Variants in DDX54 observed in about 807,000 individuals in gnomAD.
DDX54 encodes the protein ATP-dependent RNA helicase DDX54.
DDX54 carries 67 observed loss-of-function variants against 105.5 expected under a neutral mutation model. The observed-to-expected ratio is 0.64, with a 90% CI of 0.52 to 0.78. The LOEUF (loss-of-function observed/expected upper bound fraction) is 0.78. Ranked by LOEUF, DDX54 falls within the 30% of genes least tolerant of loss-of-function variation. The pLI is 0.00. For synonymous variants in DDX54, 514 were observed against 509.9 expected, an observed-to-expected ratio of 1.01 and a Z score of -0.11; for missense variants, 1,206 against 1,230.5, an observed-to-expected ratio of 0.98 and a Z score of 0.30.
Position 113,165,528 on chromosome 12 carries a change from G to A in DDX54, c.1719+116C>T, listed in dbSNP as rs1303635243. ...TGGGGTCCTGCTGGGGGTCAGGAGT[G>A]CAATCTGAGTCCTGGCACCACCGTT... On this transcript the variant is annotated intron_variant, in intron 14 of 19. Coordinates refer to ENST00000306014, the MANE Select transcript of DDX54 (RefSeq NM_024072.4). 4 of 1,113,618 alleles carry A rather than the reference G, an allele frequency of 3.6e-6. No homozygotes were observed. In the African/African-American group the frequency reaches 4.7e-5, roughly 13 times the overall value. 69.0% of individuals were successfully genotyped at this position (1,113,618 alleles called of 1,614,324 possible).
At chr12:113,176,978 C>A (rs768704089) in intron 6 of DDX54, 43 bp from the exon 7 acceptor site, 1 of 1,613,662 alleles carries the variant, frequency 6.2e-7, no homozygotes, top group South Asian at 1.1e-5. Flanking sequence ...GGGCCAGGGC[C>A]ACCACCACAG....
rs868620660 is a variant in DDX54, at chr12:113,185,471, C to T, written c.-20G>A. 1.3e-6 allele frequency: 2 copies of T among 1,487,728 alleles called. No homozygotes were observed. The highest frequency in any genetic ancestry group is 2.1e-4 in the Middle Eastern group (1 of 4,858). The allele number at this position is 1,487,728 out of a possible 1,614,324, so 92.2% of individuals were successfully genotyped here. A position where few individuals can be genotyped will look rare whatever the true frequency, so the allele number is the denominator to read the frequency against. On this transcript the variant is annotated 5_prime_UTR_variant, in exon 1 of 20. Coordinates refer to ENST00000306014, the MANE Select transcript of DDX54 (RefSeq NM_024072.4). ...CGCCATTCGGGCCGCGCGCTGGGAA[C>T]GCAGAAGGGGGCGTGGCCTGAGGAG...
At chr12:113,178,947 T>A (rs1300135380) in intron 5 of DDX54, 30 bp downstream of exon 5, 1 of 1,613,082 alleles carries the variant, frequency 6.2e-7, no homozygotes, top group Non-Finnish European at 8.5e-7. Flanking sequence ...TGCATGGTGG[T>A]GACCCTGGCA....
chr12:113,164,034 C>G, intron 15 of DDX54, 33 bp downstream of exon 15: 1 of 1,525,086 alleles, frequency 6.6e-7, no homozygotes, highest in Admixed American at 2.0e-5. Context: ...TCCCCATACC[C>G]CAGGTCCAGG....
chr12:113,166,045 C>G lies in DDX54; in HGVS notation c.1415-13G>C. ...ACACCGGCCACACCTGCACCCCACA[C>G]AGCACCTTGTCAGAGGTCTTTCAGC... is the stretch of plus-strand genomic sequence containing the variant. On this transcript the variant is annotated splice_polypyrimidine_tract_variant and intron_variant, in intron 12 of 19. Transcript: ENST00000306014. The G allele has an allele frequency of 6.3e-7, 1 of 1,596,940 alleles. No individual in the cohort carries two copies.
intron 3 of DDX54, 132 bp from the exon 4 acceptor site, chr12:113,179,463 G>T: frequency 9.7e-7 from 1 of 1,033,536 alleles, no homozygotes. Flanking sequence ...ACCCAGCCCT[G>T]AGCCTATTCT....
intron 5 of DDX54, chr12:113,178,586 A>T (rs1481679501): frequency 6.1e-6 from 1 of 162,870 alleles, no homozygotes; most frequent in African/African-American, 2.5e-5. Flanking sequence ...GCTGTCGCCC[A>T]TGTTGGAGTG....
chr12:113,175,259 C>T lies in DDX54; in HGVS notation c.753-102G>A. 19 of 1,455,318 alleles carry T rather than the reference C, an allele frequency of 1.3e-5. No individual in the cohort carries two copies. The South Asian group carries it at 2.2e-4, about 17-fold the overall frequency. 90.2% of individuals were successfully genotyped at this position (1,455,318 alleles called of 1,614,324 possible). ...CCACAACTTCTGCAGTGTCCCAGGG[C>T]TTGCCTCACTCTAACTCAGCCCACT... On this transcript the variant is annotated intron_variant, in intron 7 of 19. Transcript: ENST00000306014.
intron 12 of DDX54, among the ~76,000 whole-genome samples, chr12:113,166,364 A>G (rs7314001): frequency 0.1 from 15,244 of 152,036 alleles, 890 homozygotes; most frequent in East Asian, 0.21. Flanking sequence ...TGGATCACAC[A>G]GCCCACAGAG....
Position 113,185,396 on chromosome 12 carries a change from T to A in DDX54, c.56A>T (p.Gln19Leu), listed in dbSNP as rs747399433. The change falls in exon 1 of 20, where the codon CAG (glutamine) becomes CTG (leucine). Residue 19 changes from glutamine to leucine, a missense_variant. Gln to Leu is a moderately radical substitution (Grantham distance 113). Around this residue, in one of 3 missense-constraint regions of DDX54, gnomAD observed 212 missense variants for 155.4 expected, o/e 1.36. Coordinates refer to ENST00000306014, the MANE Select transcript of DDX54 (RefSeq NM_024072.4). ...AGPRSRAAMA[Q>L]WRKKKGLRKR... Reference sequence around the variant, plus strand: ...CCGGAGCCCTTTCTTCTTCCTCCACTGGGCCATGGCAGCTCGCGACCGAGG... The same window carrying A: ...CCGGAGCCCTTTCTTCTTCCTCCACAGGGCCATGGCAGCTCGCGACCGAGG... 7.1e-6 allele frequency: 11 copies of A among 1,557,032 alleles called. No individual in the cohort carries two copies. In the South Asian group the frequency reaches 1.2e-4, roughly 17 times the overall value.
Position 113,163,130 on chromosome 12 carries a change from AC to A in DDX54, c.2081+1del, listed in dbSNP as rs777863339. ...CCACCCAGGACCCAGCCAGCCACTC[AC>A]CCCCGCTCGCTGTCAAAGTCCTTGG... On this transcript the variant is annotated splice_donor_variant, in intron 16 of 19. Coordinates refer to ENST00000306014, the MANE Select transcript of DDX54 (RefSeq NM_024072.4). LOFTEE classifies it high-confidence loss of function. This position sits in a 1 kb window ranked among gnomAD's most constrained non-coding sequence, Gnocchi z 5.9. 3 of 1,612,296 alleles carry A rather than the reference AC, an allele frequency of 1.9e-6. No homozygotes were observed. Among genetic ancestry groups the A allele is most frequent in the East Asian group, 4.5e-5 (2 of 44,856 alleles).
intron 7 of DDX54, 101 bp from the exon 8 acceptor site, chr12:113,175,258 G>A: frequency 6.8e-7 from 1 of 1,460,106 alleles, no homozygotes; most frequent in Non-Finnish European, 9.0e-7. Flanking sequence ...GTGTCCCAGG[G>A]CTTGCCTCAC....
chr12:113,158,911 C>T lies in DDX54; in HGVS notation c.2612G>A (p.Arg871His), dbSNP rs767334221. The T allele has an allele frequency of 1.1e-5, 18 of 1,607,144 alleles. No individual in the cohort carries two copies. The highest frequency in any genetic ancestry group is 2.7e-5 in the African/African-American group (2 of 74,808). ...CTTCCGCATCTTGCCCTTCTTGGAG[C>T]GGGCACCCCGGCCGAAGGCGCCCTG... ...LQQGAFGRGARSKKGKMRKRM is the reference protein window; with the variant it reads ...LQQGAFGRGAHSKKGKMRKRM The change falls in exon 20 of 20, where the codon CGC (arginine) becomes CAC (histidine). Residue 871 changes from arginine (R) to histidine (H), a missense_variant. Physicochemically the swap from Arg to His is conservative, Grantham distance 29. This residue lies in a region of DDX54 where 961 missense variants were observed against 1,019.1 expected (regional missense o/e 0.94). Coordinates refer to ENST00000306014, the MANE Select transcript of DDX54 (RefSeq NM_024072.4). The surrounding 1 kb of genome is among the most constrained non-coding windows in gnomAD (Gnocchi z 4.9).
chr12:113,183,911 CAGG>C (rs1952494475), intron 1 of DDX54: 1 of 152,214 alleles, frequency 6.6e-6, no homozygotes, highest in African/African-American at 2.4e-5. Flanking sequence ...ATTGCCTCTC[CAGG>C]AGGTGGGACC....
Position 113,175,118 on chromosome 12 carries a change from G to A in DDX54, c.792C>T (p.Ile264=), listed in dbSNP as rs748287959. 1 of 1,613,502 alleles carries A rather than the reference G, an allele frequency of 6.2e-7. No individual in the cohort carries two copies. Among genetic ancestry groups the A allele is most frequent in the Non-Finnish European group, 8.5e-7 (1 of 1,179,950 alleles). ...GGTGGCCCCCGGGGAGGCGGGCGAT[G>A]ATCTCCTGCAGCTGCTCTGCGAAAC... ...EMGFAEQLQE[I]IARLPGGHQT... The change falls in exon 8 of 20, where the codon ATC becomes ATT. Residue 264 remains isoleucine (I), a synonymous_variant. Coordinates refer to ENST00000306014, the MANE Select transcript of DDX54 (RefSeq NM_024072.4).
At chr12:113,181,493 T>C (rs897508544) in intron 1 of DDX54, among the ~76,000 whole-genome samples, 3 of 150,512 alleles carry the variant, frequency 2.0e-5, no homozygotes, top group Non-Finnish European at 3.0e-5. Flanking sequence ...TTTTTTTTTG[T>C]AGAGATGAGG....
intron 2 of DDX54, 121 bp from the exon 3 acceptor site, chr12:113,180,126 A>G: frequency 1.1e-6 from 1 of 950,202 alleles, no homozygotes; most frequent in East Asian, 2.4e-5. Flanking sequence ...AAAAAAAGCA[A>G]TAAAGCACAA....
At chr12:113,168,428 G>A (rs1431073048) in intron 12 of DDX54, among the ~76,000 whole-genome samples, 1 of 152,212 alleles carries the variant, frequency 6.6e-6, no homozygotes, top group Non-Finnish European at 1.5e-5. Context: ...CATGCGGGTA[G>A]GCCTGTCAGA....
intron 3 of DDX54, 100 bp from the exon 4 acceptor site, chr12:113,179,431 A>G: frequency 1.5e-6 from 2 of 1,332,978 alleles, no homozygotes; most frequent in Non-Finnish European, 2.1e-6. Flanking sequence ...TATAGATCTC[A>G]GTGAATGGGC....
Sources: gnomAD v4.1 joint callset for allele counts (sites outside exome capture counted in the v4.1 genomes callset) on GRCh38, gnomAD v4.1.1 for gene constraint, gnomAD v4.1.1 regional missense constraint, Gnocchi (gnomAD v3.1) non-coding constraint, MANE v1.5 for transcripts, NCBI Gene and HGNC (gene_info 2026-07-23, HGNC 2026-07-21) for gene names.